TENM3: variants seen among roughly 807,000 people sequenced by gnomAD.
TENM3 encodes the protein teneurin-3.
In TENM3, 63 loss-of-function variants were observed where a neutral mutation model predicts 255.1. The observed-to-expected ratio is 0.25, with a 90% CI of 0.20 to 0.30. The LOEUF (loss-of-function observed/expected upper bound fraction) is 0.30, where lower values mean the gene tolerates loss of function less well. Ranked by LOEUF, TENM3 falls within the 10% of genes least tolerant of loss-of-function variation. The probability of loss-of-function intolerance (pLI) is 1.00; values close to 1 mark genes in which losing one functional copy is unlikely to be tolerated. For missense variants in TENM3, 2,929 were observed against 3,461.1 expected (o/e 0.85, Z 3.86); for synonymous variants, 1,306 against 1,322.3 (o/e 0.99, Z 0.27).
At chr4:181,876,813 T>C in the TENM3 span, among the ~76,000 whole-genome samples, 4 of 152,134 alleles carry the variant, frequency 2.6e-5, no homozygotes, top group Non-Finnish European at 5.9e-5. Context: ...TTAAAAGTTT[T>C]AGGATTTCAG....
At chr4:181,844,807 A>G in the TENM3 span, among the ~76,000 whole-genome samples, 1 of 152,230 alleles carries the variant, frequency 6.6e-6, no homozygotes, top group Non-Finnish European at 1.5e-5. Flanking sequence ...TCTCCTCAGG[A>G]ACCACTTCCC....
At chr4:182,028,066 T>A in the TENM3 span, among the ~76,000 whole-genome samples, 2 of 152,178 alleles carry the variant, frequency 1.3e-5, no homozygotes, top group Non-Finnish European at 2.9e-5. Flanking sequence ...CTTTAAATGT[T>A]TGGTAGAATT....
intron 3 of TENM3, among the ~76,000 whole-genome samples, chr4:182,363,307 G>GTA (rs1156868187): frequency 2.6e-5 from 4 of 151,728 alleles, no homozygotes; most frequent in South Asian, 4.2e-4. Flanking sequence ...AGATGTGTGT[G>GTA]TATATATATA....
At chr4:182,347,880 G>T (rs886943294) in intron 3 of TENM3, among the ~76,000 whole-genome samples, 1 of 152,114 alleles carries the variant, frequency 6.6e-6, no homozygotes, top group African/African-American at 2.4e-5. Context: ...AAATTAAAAT[G>T]AAAGAATTGC....
At chr4:182,030,383 T>C in the TENM3 span, among the ~76,000 whole-genome samples, 2 of 152,060 alleles carry the variant, frequency 1.3e-5, no homozygotes, top group Non-Finnish European at 2.9e-5. Flanking sequence ...GGCTTCCAGC[T>C]CCATCCCTGT....
At chr4:181,832,576 G>T in the TENM3 span, among the ~76,000 whole-genome samples, 40 of 152,262 alleles carry the variant, frequency 2.6e-4, no homozygotes, top group Non-Finnish European at 4.7e-4. Flanking sequence ...TGACACATCT[G>T]CTTCTATGGC....
chr4:181,736,129 A>T, the TENM3 span, among the ~76,000 whole-genome samples: 1 of 151,946 alleles, frequency 6.6e-6, no homozygotes, highest in Non-Finnish European at 1.5e-5. Context: ...GAAACCCTGT[A>T]TCTACTAAAA....
the TENM3 span, among the ~76,000 whole-genome samples, chr4:181,740,890 G>C: frequency 2.0e-5 from 3 of 152,126 alleles, no homozygotes; most frequent in East Asian, 5.8e-4. Context: ...TTTCAAATTG[G>C]GAAAAATACA....
chr4:182,291,348 G>A (rs1761110682), intron 1 of TENM3, among the ~76,000 whole-genome samples: 1 of 152,146 alleles, frequency 6.6e-6, no homozygotes, highest in African/African-American at 2.4e-5. Flanking sequence ...CCACTTAGAG[G>A]CCAGGAGACA....
the TENM3 span, among the ~76,000 whole-genome samples, chr4:181,577,148 AAT>A: frequency 2.7e-4 from 36 of 135,232 alleles, no homozygotes; most frequent in Admixed American, 6.6e-4. Flanking sequence ...ATATATAATT[AAT>A]ATATATATAA....
At chr4:181,604,075 T>G in the TENM3 span, among the ~76,000 whole-genome samples, 3 of 151,990 alleles carry the variant, frequency 2.0e-5, no homozygotes, top group Non-Finnish European at 4.4e-5. Context: ...CCATCCTGGT[T>G]AACACGGTGA....
the TENM3 span, among the ~76,000 whole-genome samples, chr4:182,003,057 A>G: frequency 3.9e-5 from 6 of 152,172 alleles, no homozygotes; most frequent in East Asian, 9.7e-4. Flanking sequence ...GATGGCCACT[A>G]GTGACTTGAA....
the TENM3 span, among the ~76,000 whole-genome samples, chr4:182,030,824 A>C: frequency 6.6e-6 from 1 of 151,970 alleles, no homozygotes; most frequent in African/African-American, 2.4e-5. Flanking sequence ...GCGTTTTTTT[A>C]TATGTTTATT....
At chr4:182,131,231 C>T in the TENM3 span, among the ~76,000 whole-genome samples, 1 of 152,116 alleles carries the variant, frequency 6.6e-6, no homozygotes, top group African/African-American at 2.4e-5. Flanking sequence ...CATGTCCATA[C>T]ATGTAAAATT....
At position 182,799,844 on chromosome 4, in the gene TENM3, C is replaced by T. The variant is rs757016716; in HGVS notation, c.7593C>T (p.Ala2531=). ...CIKVAAVLNN[A]FYLENLHFTI... ...AGGTGGCGGCCGTGCTCAACAACGC[C>T]TTCTACCTGGAGAACCTGCACTTCA... The change falls in exon 28 of 28, where the codon GCC becomes GCT. Residue 2531 remains alanine, a synonymous_variant. Transcript: ENST00000511685. The surrounding 1 kb of genome is among the most constrained non-coding windows in gnomAD (Gnocchi z 4.2). The T allele has an allele frequency of 3.8e-5, 62 of 1,611,288 alleles. No homozygotes were observed. The highest frequency in any genetic ancestry group is 4.8e-5 in the Non-Finnish European group (57 of 1,179,066).
At chr4:182,577,737 T>G (rs2152044256) in intron 3 of TENM3, among the ~76,000 whole-genome samples, 1 of 152,250 alleles carries the variant, frequency 6.6e-6, no homozygotes, top group South Asian at 2.1e-4. Flanking sequence ...ATATCTATGG[T>G]TTTCATGCAC....
chr4:181,907,782 C>T, the TENM3 span, among the ~76,000 whole-genome samples: 1 of 152,172 alleles, frequency 6.6e-6, no homozygotes, highest in Non-Finnish European at 1.5e-5. Context: ...GAGCAGACCC[C>T]GAACATTCGA....
the TENM3 span, among the ~76,000 whole-genome samples, chr4:181,811,529 A>G: frequency 3.3e-5 from 5 of 152,230 alleles, no homozygotes; most frequent in Non-Finnish European, 5.9e-5. Context: ...TCATGCTGCT[A>G]ATAAAGTCAT....
intron 3 of TENM3, among the ~76,000 whole-genome samples, chr4:182,449,797 C>T (rs1156352565): frequency 6.6e-6 from 1 of 152,158 alleles, no homozygotes; most frequent in Non-Finnish European, 1.5e-5. Flanking sequence ...TTCAACTTTG[C>T]AGTTGTGCTT....
Sources: gnomAD v4.1 joint callset for allele counts (sites outside exome capture counted in the v4.1 genomes callset) on GRCh38, gnomAD v4.1.1 for gene constraint, Gnocchi (gnomAD v3.1) non-coding constraint, MANE v1.5 for transcripts, NCBI Gene and HGNC (gene_info 2026-07-23, HGNC 2026-07-21) for gene names.